Variants in ADCY2 observed in about 807,000 individuals in gnomAD.
The protein encoded by ADCY2 is adenylate cyclase 2.
A neutral mutation model predicts 125.2 loss-of-function variants in ADCY2; 31 were observed. The ratio of observed to expected loss-of-function variants is 0.25; its 90% CI spans 0.19 to 0.33. The LOEUF (loss-of-function observed/expected upper bound fraction) is 0.33, where lower values mean the gene tolerates loss of function less well. ADCY2 is among the 10% of genes least tolerant of loss of function. The pLI is 1.00. For synonymous variants in ADCY2, 512 were observed against 548.4 expected, an observed-to-expected ratio of 0.93 and a Z score of 0.93; for missense variants, 904 against 1,418.2, an observed-to-expected ratio of 0.64 and a Z score of 5.82.
intron 3 of ADCY2, among the ~76,000 whole-genome samples, chr5:7,625,322 A>G (rs1241107301): frequency 6.6e-6 from 1 of 152,242 alleles, no homozygotes. Context: ...GCAAAGCACA[A>G]AACTACATTC....
chr5:7,751,778 G>A (rs1742832363), intron 15 of ADCY2, among the ~76,000 whole-genome samples: 1 of 152,054 alleles, frequency 6.6e-6, no homozygotes, highest in South Asian at 2.1e-4. Flanking sequence ...TTCCCTATGG[G>A]TGTTAAAAGC....
At chr5:7,569,463 A>G (rs1736006594) in intron 3 of ADCY2, among the ~76,000 whole-genome samples, 2 of 152,114 alleles carry the variant, frequency 1.3e-5, no homozygotes, top group Non-Finnish European at 2.9e-5. Context: ...GCTTTAAACA[A>G]TGTAAGGATA....
intron 4 of ADCY2, among the ~76,000 whole-genome samples, chr5:7,649,286 A>C (rs928133172): frequency 2.0e-5 from 3 of 152,212 alleles, no homozygotes; most frequent in African/African-American, 7.2e-5. Flanking sequence ...TGGACATTTG[A>C]GCTCTCTGGA....
At chr5:7,707,466 A>G (rs1380038492) in intron 8 of ADCY2, among the ~76,000 whole-genome samples, 1 of 152,216 alleles carries the variant, frequency 6.6e-6, no homozygotes, top group Non-Finnish European at 1.5e-5. Context: ...TGTATTTGCT[A>G]TAATTCACCA....
chr5:7,795,678 AG>A (rs1188141044), intron 20 of ADCY2: 1 of 152,254 alleles, frequency 6.6e-6, no homozygotes, highest in Non-Finnish European at 1.5e-5. Flanking sequence ...GAAATAATAC[AG>A]GAAAACAAGA....
chr5:7,804,069 A>AGAGAGAGCGAGC (rs1553990875), intron 21 of ADCY2, among the ~76,000 whole-genome samples: 6 of 140,444 alleles, frequency 4.3e-5, no homozygotes, highest in Non-Finnish European at 6.1e-5. Context: ...AGAGAGAGAG[A>AGAGAGAGCGAGC]GAGAGCTGGT....
At chr5:7,574,113 G>A (rs1294022530) in intron 3 of ADCY2, among the ~76,000 whole-genome samples, 1 of 112,762 alleles carries the variant, frequency 8.9e-6, no homozygotes, top group Non-Finnish European at 2.1e-5. Context: ...TGGCTGCATA[G>A]TATTCCATGG....
chr5:7,531,276 G>A (rs1414144624), intron 3 of ADCY2, among the ~76,000 whole-genome samples: 3 of 152,102 alleles, frequency 2.0e-5, no homozygotes, highest in Admixed American at 6.5e-5. Context: ...CGACCTGGAG[G>A]GCCGCCGTTT....
chr5:7,644,151 AGTT>A (rs1738808634), intron 4 of ADCY2, among the ~76,000 whole-genome samples: 1 of 152,074 alleles, frequency 6.6e-6, no homozygotes, highest in African/African-American at 2.4e-5. Flanking sequence ...TTGAAAAAGT[AGTT>A]ACTTTTCTTT....
In ADCY2 at chr5:7,802,162, G is replaced by A. The variant is rs1744617321; in HGVS notation, c.2629-56G>A. 6.3e-7 allele frequency: 1 copy of A among 1,585,728 alleles called. No homozygotes were observed. Among genetic ancestry groups the A allele is most frequent in the Non-Finnish European group, 8.6e-7 (1 of 1,165,434 alleles). On this transcript the variant is annotated intron_variant, in intron 20 of 24. Transcript: ENST00000338316. This position sits in a 1 kb window ranked among gnomAD's most constrained non-coding sequence, Gnocchi z 4.6. Reference sequence around the variant, plus strand: ...TAAACAAGCCACTTGCCTGTGGAGTGTTTCTGTTTAAAGGTCAGTCTCCTA... The same window carrying A: ...TAAACAAGCCACTTGCCTGTGGAGTATTTCTGTTTAAAGGTCAGTCTCCTA...
intron 17 of ADCY2, 31 bp from the exon 18 acceptor site, chr5:7,772,901 A>T: frequency 1.2e-6 from 2 of 1,605,136 alleles, no homozygotes; most frequent in Non-Finnish European, 1.7e-6. Context: ...AGAGATCCTA[A>T]GTATCTGTCT....
intron 15 of ADCY2, 128 bp downstream of exon 15, chr5:7,743,880 A>T: frequency 1.2e-6 from 1 of 811,194 alleles, no homozygotes; most frequent in South Asian, 1.6e-5. Context: ...ATCCCAGTTA[A>T]GGAAACACAC....
At chr5:7,794,699 G>A (rs1188287439) in intron 20 of ADCY2, 1 of 152,194 alleles carries the variant, frequency 6.6e-6, no homozygotes, top group African/African-American at 2.4e-5. Flanking sequence ...AATGTCTCCT[G>A]TGGCCATCGG....
chr5:7,717,281 G>A lies in ADCY2; in HGVS notation c.1703+44G>A, dbSNP rs769891475. The A allele has an allele frequency of 6.9e-6, 10 of 1,443,180 alleles. No individual in the cohort carries two copies. The African/African-American group carries it at 1.4e-4, about 20-fold the overall frequency. The allele number at this position is 1,443,180 out of a possible 1,614,324, so 89.4% of individuals were successfully genotyped here. On this transcript the variant is annotated intron_variant, in intron 12 of 24. Coordinates refer to ENST00000338316, the MANE Select transcript of ADCY2 (RefSeq NM_020546.3). ...TAAATTATCTTTCATCTTTTATTAT[G>A]TTCCAGTTGTATTTTATCATGGGCT... is the stretch of plus-strand genomic sequence containing the variant.
At chr5:7,803,141 A>G (rs1368729946) in intron 21 of ADCY2, among the ~76,000 whole-genome samples, 1 of 152,118 alleles carries the variant, frequency 6.6e-6, no homozygotes. Flanking sequence ...TGTGAGGTTG[A>G]TGCTAGATAT....
chr5:7,585,442 A>G (rs1172813630), intron 3 of ADCY2, among the ~76,000 whole-genome samples: 1 of 152,204 alleles, frequency 6.6e-6, no homozygotes, highest in Non-Finnish European at 1.5e-5. Flanking sequence ...CAATCCAGTC[A>G]GGAACTTCAC....
chr5:7,790,349 G>A (rs923884357), intron 20 of ADCY2, among the ~76,000 whole-genome samples: 1 of 152,218 alleles, frequency 6.6e-6, no homozygotes, highest in African/African-American at 2.4e-5. Context: ...CCAAAGACTT[G>A]AGTCCATCCA....
At chr5:7,497,188 T>C (rs1410798439) in intron 2 of ADCY2, among the ~76,000 whole-genome samples, 3 of 152,092 alleles carry the variant, frequency 2.0e-5, no homozygotes, top group Non-Finnish European at 4.4e-5. Flanking sequence ...AAAATACACA[T>C]GCAAGTATGG....
Position 7,593,867 on chromosome 5 carries a change from C to CTA in ADCY2, c.571-32297_571-32296dup, listed in dbSNP as rs538830540. On this transcript the variant is annotated intron_variant, in intron 3 of 24. Coordinates refer to ENST00000338316, the MANE Select transcript of ADCY2 (RefSeq NM_020546.3). Reference sequence around the variant, plus strand: ...AAGAAGAAAAGTAAAGCAGGAAACGCTATACAGAGCTGGAGAGAGGAGATG... The same window carrying CTA: ...AAGAAGAAAAGTAAAGCAGGAAACGCTATATACAGAGCTGGAGAGAGGAGATG... Among the ~76,000 whole-genome samples the CTA allele has an allele frequency of 2.4e-4, 37 of 152,126 alleles. No individual in the cohort carries two copies. The South Asian group carries it at 7.7e-3, about 32-fold the overall frequency.
Sources: allele counts gnomAD v4.1 joint callset (sites outside exome capture counted in the v4.1 genomes callset), GRCh38; gene constraint gnomAD v4.1.1; non-coding constraint Gnocchi (gnomAD v3.1); transcripts MANE v1.5; gene names NCBI Gene and HGNC (gene_info 2026-07-23, HGNC 2026-07-21).